Variants in PRKCE observed in about 807,000 individuals in gnomAD.
The protein encoded by PRKCE is protein kinase C epsilon type.
PRKCE carries 16 observed loss-of-function variants against 85.4 expected under a neutral mutation model. The observed-to-expected ratio is 0.19, with a 90% CI of 0.13 to 0.28. PRKCE has a LOEUF of 0.28. PRKCE is among the 10% of genes least tolerant of loss of function. The probability of loss-of-function intolerance (pLI) is 1.00; values close to 1 mark genes in which losing one functional copy is unlikely to be tolerated. For synonymous variants in PRKCE, 388 were observed against 371.5 expected (o/e 1.04, Z -0.51); for missense variants, 573 against 975.2 (o/e 0.59, Z 5.49).
intron 1 of PRKCE, chr2:45,675,978 C>G (rs1428784659): frequency 6.6e-6 from 1 of 152,144 alleles, no homozygotes; most frequent in Non-Finnish European, 1.5e-5. Context: ...CAAGCAGCAC[C>G]GGTACCTGGC....
At chr2:45,893,312 C>T (rs912123658) in intron 2 of PRKCE, among the ~76,000 whole-genome samples, 1 of 151,816 alleles carries the variant, frequency 6.6e-6, no homozygotes, top group African/African-American at 2.4e-5. Flanking sequence ...TCAGGATCAT[C>T]TCCCACAGCA....
At chr2:45,682,864 C>T (rs184960271) in intron 1 of PRKCE, among the ~76,000 whole-genome samples, 106 of 152,278 alleles carry the variant, frequency 7.0e-4, no homozygotes, top group African/African-American at 2.4e-3. Context: ...TGAGCCGCCA[C>T]GCCCAGCCAA....
intron 14 of PRKCE, chr2:46,164,851 G>A (rs77978744): frequency 0.03 from 4,511 of 152,412 alleles, 83 homozygotes; most frequent in East Asian, 0.084. Flanking sequence ...CACAGAGGCC[G>A]AGGATGCAAC....
chr2:45,924,915 T>C (rs1221325318), intron 2 of PRKCE, among the ~76,000 whole-genome samples: 1 of 152,108 alleles, frequency 6.6e-6, no homozygotes, highest in East Asian at 1.9e-4. Context: ...TCTGAGTTCC[T>C]TGGTGCTCAT....
At chr2:45,780,546 AAAG>A (rs1447346816) in intron 1 of PRKCE, among the ~76,000 whole-genome samples, 2 of 152,218 alleles carry the variant, frequency 1.3e-5, no homozygotes, top group Non-Finnish European at 2.9e-5. Context: ...GGGATTGAAG[AAAG>A]AAGGACACAT....
At chr2:45,849,852 G>C (rs1692106244) in intron 2 of PRKCE, among the ~76,000 whole-genome samples, 2 of 152,130 alleles carry the variant, frequency 1.3e-5, no homozygotes, top group African/African-American at 4.8e-5. Context: ...CTGTGTCTTG[G>C]GATTTTTGGC....
intron 2 of PRKCE, among the ~76,000 whole-genome samples, chr2:45,941,871 A>C (rs1699901404): frequency 1.3e-5 from 2 of 151,684 alleles, no homozygotes; most frequent in African/African-American, 4.8e-5. Flanking sequence ...GGGGAGGGGG[A>C]GGTTCTTTAT....
intron 2 of PRKCE, among the ~76,000 whole-genome samples, chr2:45,894,626 C>G (rs749265505): frequency 3.9e-5 from 6 of 152,048 alleles, no homozygotes; most frequent in Non-Finnish European, 7.4e-5. Flanking sequence ...GTTGACGGTG[C>G]ATGTGAAACA....
intron 2 of PRKCE, among the ~76,000 whole-genome samples, chr2:45,954,115 T>C (rs1700813854): frequency 6.6e-6 from 1 of 152,230 alleles, no homozygotes; most frequent in Non-Finnish European, 1.5e-5. Context: ...ATCTCCTTGG[T>C]CCTGCTCCCA....
At chr2:45,815,885 G>A (rs1414136338) in intron 1 of PRKCE, among the ~76,000 whole-genome samples, 1 of 152,140 alleles carries the variant, frequency 6.6e-6, no homozygotes, top group African/African-American at 2.4e-5. Context: ...TTTCTCACCT[G>A]TTAAGTGGGA....
At chr2:45,713,754 C>T (rs1573030705) in intron 1 of PRKCE, among the ~76,000 whole-genome samples, 1 of 152,092 alleles carries the variant, frequency 6.6e-6, no homozygotes, top group East Asian at 1.9e-4. Context: ...GATAAAACAC[C>T]CCTGAAAAAG....
intron 6 of PRKCE, among the ~76,000 whole-genome samples, chr2:45,985,953 A>C (rs1424700343): frequency 1.3e-5 from 2 of 152,246 alleles, no homozygotes; most frequent in African/African-American, 4.8e-5. Context: ...TAAAGCTATA[A>C]AGTCAATGTC....
At position 46,018,945 on chromosome 2, in the gene PRKCE, G is replaced by A. The variant is rs115806476; in HGVS notation, c.1437+8428G>A. On this transcript the variant is annotated intron_variant, in intron 10 of 14. Transcript: ENST00000306156. ...AGCTGATGTTAGCAGTGAATGGACC[G>A]CATGCTCTGCCCAGTGCTGGCCAGT... 3.9e-3 allele frequency among the ~76,000 whole-genome samples: 589 copies of A among 152,334 alleles called. 7 individuals carry two copies. Among genetic ancestry groups the A allele is most frequent in the African/African-American group, 0.013 (545 of 41,584 alleles).
chr2:46,042,258 G>A (rs1708259137), intron 10 of PRKCE, among the ~76,000 whole-genome samples: 1 of 152,092 alleles, frequency 6.6e-6, no homozygotes, highest in Admixed American at 6.6e-5. Context: ...CAGTCTGTCT[G>A]GGTGAGTTCT....
intron 5 of PRKCE, 56 bp from the exon 6 acceptor site, chr2:45,984,495 G>A: frequency 6.3e-7 from 1 of 1,577,730 alleles, no homozygotes; most frequent in South Asian, 1.1e-5. Flanking sequence ...CCGTTGACAA[G>A]TCTTCTGGGG....
At chr2:46,097,946 C>T (rs936876751) in intron 11 of PRKCE, among the ~76,000 whole-genome samples, 16 of 152,174 alleles carry the variant, frequency 1.1e-4, no homozygotes, top group Non-Finnish European at 2.1e-4. Context: ...GGGATGAAAG[C>T]CAAGTTTACA....
At chr2:45,876,419 A>T (rs1037932203) in intron 2 of PRKCE, among the ~76,000 whole-genome samples, 3 of 152,234 alleles carry the variant, frequency 2.0e-5, no homozygotes, top group African/African-American at 7.2e-5. Flanking sequence ...TATTATTTGT[A>T]CTTAAAAGCA....
intron 10 of PRKCE, among the ~76,000 whole-genome samples, chr2:46,060,643 T>A (rs1022235009): frequency 6.6e-6 from 1 of 151,820 alleles, no homozygotes; most frequent in African/African-American, 2.4e-5. Context: ...AAGACACCCC[T>A]CCTCCCCTTC....
chr2:45,991,147 C>T (rs571605880), intron 6 of PRKCE, among the ~76,000 whole-genome samples: 54 of 152,088 alleles, frequency 3.6e-4, no homozygotes, highest in Admixed American at 5.9e-4. Context: ...GCTGGGATTA[C>T]AGGCACCTGC....
Sources: gnomAD v4.1 joint callset for allele counts (sites outside exome capture counted in the v4.1 genomes callset) on GRCh38, gnomAD v4.1.1 for gene constraint, MANE v1.5 for transcripts, NCBI Gene and HGNC (gene_info 2026-07-23, HGNC 2026-07-21) for gene names.